The following DSCAML1 variants were observed in gnomAD, a reference collection of about 807,000 sequenced individuals.
DSCAML1 encodes DS cell adhesion molecule like 1, also known as cell adhesion molecule DSCAML1.
In DSCAML1, 38 loss-of-function variants were observed where a neutral mutation model predicts 200.5. The ratio of observed to expected loss-of-function variants is 0.19; its 90% CI spans 0.15 to 0.25. DSCAML1 has a LOEUF of 0.25. DSCAML1 is among the 10% of genes least tolerant of loss of function. The pLI, the probability that DSCAML1 is intolerant of heterozygous loss-of-function variation, is 1.00. For synonymous variants in DSCAML1, 1,215 were observed against 1,165.0 expected, an observed-to-expected ratio of 1.04 and a Z score of -0.87; for missense variants, 2,223 against 2,858.8, an observed-to-expected ratio of 0.78 and a Z score of 5.07.
chr11:117,704,451 T>TA (rs144652785), intron 3 of DSCAML1, among the ~76,000 whole-genome samples: 1 of 151,958 alleles, frequency 6.6e-6, no homozygotes. Flanking sequence ...ACACACAAAT[T>TA]AAAAAAAATT....
At chr11:117,697,347 A>T (rs557744332) in intron 3 of DSCAML1, among the ~76,000 whole-genome samples, 1 of 152,324 alleles carries the variant, frequency 6.6e-6, no homozygotes, top group African/African-American at 2.4e-5. Context: ...CAACATAAAG[A>T]TTCTCAGGCA....
chr11:117,771,261 G>A (rs950725403), intron 3 of DSCAML1, among the ~76,000 whole-genome samples: 3 of 152,162 alleles, frequency 2.0e-5, no homozygotes, highest in Non-Finnish European at 4.4e-5. Flanking sequence ...GCCAAACCAA[G>A]ATCACATTTG....
intron 24 of DSCAML1, among the ~76,000 whole-genome samples, chr11:117,438,372 C>T (rs2047967642): frequency 6.6e-6 from 1 of 152,058 alleles, no homozygotes; most frequent in Non-Finnish European, 1.5e-5. Context: ...GCGGCAGGTT[C>T]GGGAGGGGAG....
At chr11:117,626,134 G>A (rs2052038822) in intron 3 of DSCAML1, among the ~76,000 whole-genome samples, 1 of 151,962 alleles carries the variant, frequency 6.6e-6, no homozygotes, top group African/African-American at 2.4e-5. Flanking sequence ...CCTCATACCA[G>A]AGCTCCAGGC....
At chr11:117,587,551 G>C (rs1489657807) in intron 3 of DSCAML1, among the ~76,000 whole-genome samples, 18 of 152,082 alleles carry the variant, frequency 1.2e-4, no homozygotes, top group Admixed American at 1.2e-3. Context: ...CAGACGCGGG[G>C]ACTGCCCAGA....
Position 117,428,181 on chromosome 11 carries a change from A to G in DSCAML1, c.*147T>C. 1 of 610,686 alleles carries G rather than the reference A, an allele frequency of 1.6e-6. No homozygotes were observed. 37.8% of individuals were successfully genotyped at this position (610,686 alleles called of 1,614,324 possible). A position where few individuals can be genotyped will look rare whatever the true frequency, so the allele number is the denominator to read the frequency against. ...TCATTTGTACAAAAGAGTTCTATGT[A>G]CAGGCGTTCATGATTGGGGGTTTTT... On this transcript the variant is annotated 3_prime_UTR_variant, in exon 33 of 33. Transcript: ENST00000651296.
At chr11:117,633,438 C>T (rs1367557667) in intron 3 of DSCAML1, among the ~76,000 whole-genome samples, 2 of 152,190 alleles carry the variant, frequency 1.3e-5, no homozygotes, top group Non-Finnish European at 2.9e-5. Context: ...GCTCTGAGTG[C>T]TCTGAAAACT....
At position 117,582,131 on chromosome 11, in the gene DSCAML1, T is replaced by C. The variant is rs150549330; in HGVS notation, c.512-49609A>G. Among the ~76,000 whole-genome samples, 415 of 152,246 alleles carry C rather than the reference T, an allele frequency of 2.7e-3. 1 individual carries two copies. Among genetic ancestry groups the C allele is most frequent in the African/African-American group, 7.9e-3 (327 of 41,534 alleles). ...GTATCTGGGACTCGCAGAAAAGAAA[T>C]GTTAAGTTTCATTTATTGTCAGAAT... On this transcript the variant is annotated intron_variant, in intron 3 of 32. Transcript: ENST00000651296.
At chr11:117,450,077 C>T (rs1025194497) in intron 20 of DSCAML1, among the ~76,000 whole-genome samples, 1 of 152,256 alleles carries the variant, frequency 6.6e-6, no homozygotes, top group African/African-American at 2.4e-5. Flanking sequence ...TGTGCCTTCT[C>T]TCGGCTTTCC....
intron 8 of DSCAML1, among the ~76,000 whole-genome samples, chr11:117,507,491 C>G (rs2049525002): frequency 6.6e-6 from 1 of 152,208 alleles, no homozygotes; most frequent in South Asian, 2.1e-4. Context: ...CCAGGCAGCC[C>G]TTTGGATCCT....
intron 32 of DSCAML1, among the ~76,000 whole-genome samples, chr11:117,429,497 G>A (rs968977964): frequency 1.3e-4 from 19 of 151,622 alleles, no homozygotes; most frequent in East Asian, 5.8e-4. Flanking sequence ...TCCGCTTCCC[G>A]AGTAGCTGGG....
At chr11:117,649,317 A>G (rs899495785) in intron 3 of DSCAML1, among the ~76,000 whole-genome samples, 3 of 152,100 alleles carry the variant, frequency 2.0e-5, no homozygotes, top group Non-Finnish European at 4.4e-5. Context: ...ACCTCAGGTG[A>G]TCTGCCCGCC....
intron 3 of DSCAML1, among the ~76,000 whole-genome samples, chr11:117,549,291 C>G (rs147200780): frequency 3.3e-5 from 5 of 152,242 alleles, no homozygotes; most frequent in Non-Finnish European, 7.3e-5. Context: ...TAGCCTGGCA[C>G]TTGGTAAAGG....
In DSCAML1 at chr11:117,695,156, A is replaced by C. The variant is rs1337817385; in HGVS notation, c.511+81635T>G. On this transcript the variant is annotated intron_variant, in intron 3 of 32. Transcript: ENST00000651296. ...TGACAGTAGGAAAAAAGGGAGAGAAAGAGAGTCCACAGCTACTGAGAAGGT... is the reference window on the plus strand; with the variant it reads ...TGACAGTAGGAAAAAAGGGAGAGAACGAGAGTCCACAGCTACTGAGAAGGT... 2.0e-5 allele frequency among the ~76,000 whole-genome samples: 3 copies of C among 152,290 alleles called. No homozygotes were observed. The East Asian group carries it at 5.8e-4, about 29-fold the overall frequency.
chr11:117,692,821 A>G (rs953133340), intron 3 of DSCAML1, among the ~76,000 whole-genome samples: 12 of 152,140 alleles, frequency 7.9e-5, no homozygotes, highest in South Asian at 2.1e-4. Context: ...CCCTGCATGG[A>G]ATGGAACTGA....
intron 1 of DSCAML1, among the ~76,000 whole-genome samples, chr11:117,790,779 A>C (rs1249251008): frequency 1.3e-5 from 2 of 152,234 alleles, no homozygotes; most frequent in African/African-American, 4.8e-5. Flanking sequence ...AAATAAAGGC[A>C]CATGAACCAT....
intron 3 of DSCAML1, among the ~76,000 whole-genome samples, chr11:117,578,236 GAAAAA>G (rs59533726): frequency 0.022 from 2,252 of 101,392 alleles, 31 homozygotes; most frequent in Non-Finnish European, 0.029. Context: ...ACTCTGTCTC[GAAAAA>G]AAAAAAAAAA....
At chr11:117,723,826 G>A (rs1339969453) in intron 3 of DSCAML1, among the ~76,000 whole-genome samples, 3 of 152,236 alleles carry the variant, frequency 2.0e-5, no homozygotes, top group African/African-American at 7.2e-5. Flanking sequence ...CACCCTGGGA[G>A]GGAGGGAATG....
At chr11:117,678,007 G>A (rs931630434) in intron 3 of DSCAML1, among the ~76,000 whole-genome samples, 3 of 152,210 alleles carry the variant, frequency 2.0e-5, no homozygotes, top group Non-Finnish European at 4.4e-5. Flanking sequence ...GGGGACTCCG[G>A]AGACCAACCA....
Sources: gnomAD v4.1 joint callset for allele counts (sites outside exome capture counted in the v4.1 genomes callset) on GRCh38, gnomAD v4.1.1 for gene constraint, MANE v1.5 for transcripts, NCBI Gene and HGNC (gene_info 2026-07-23, HGNC 2026-07-21) for gene names.